IGSF11: variants seen among roughly 807,000 people sequenced by gnomAD.
IGSF11 encodes the protein immunoglobulin superfamily member 11.
In IGSF11, 22 loss-of-function variants were observed where a neutral mutation model predicts 41.0. The ratio of observed to expected loss-of-function variants is 0.54; its 90% confidence interval spans 0.38 to 0.77. The LOEUF is 0.77. Among genes scored for constraint, IGSF11 ranks in the 30% least tolerant of loss-of-function variants. The pLI, the probability that IGSF11 is intolerant of heterozygous loss-of-function variation, is 0.00. For synonymous variants in IGSF11, 219 were observed against 201.3 expected (o/e 1.09, Z -0.74); for missense variants, 444 against 530.8 (o/e 0.84, Z 1.61).
At chr3:119,036,671 G>A (rs1016483320), upstream of IGSF11, among the ~76,000 whole-genome samples, 1 of 150,000 alleles carries the variant, frequency 6.7e-6, no homozygotes, top group African/African-American at 2.5e-5. Flanking sequence ...CCTACACTTT[G>A]TAAGGCACCA....
chr3:119,106,484 A>C (rs1054063552), upstream of IGSF11, among the ~76,000 whole-genome samples: 16 of 152,248 alleles, frequency 1.1e-4, no homozygotes, highest in South Asian at 3.3e-3. Context: ...GGTTTACTTC[A>C]CCTGACATAA....
chr3:119,107,376 A>G (rs533133802), upstream of IGSF11, among the ~76,000 whole-genome samples: 4 of 152,306 alleles, frequency 2.6e-5, no homozygotes, highest in South Asian at 8.3e-4. Flanking sequence ...TTGGCTGCAT[A>G]AATGTCTTCT....
chr3:118,928,586 C>T lies in IGSF11; in HGVS notation c.347G>A (p.Gly116Asp), dbSNP rs1463128011. ...GTTGTTGACCAGGCACTGGTAGGTG[C>T]CAGTGTCTGATAACTGAGTGTTATT... Reference protein sequence around the residue: ...FINNTQLSDTGTYQCLVNNLP... With the variant: ...FINNTQLSDTDTYQCLVNNLP... The change falls in exon 3 of 7, where the codon GGC (glycine) becomes GAC (aspartate). Residue 116 changes from glycine to aspartate, a missense_variant. Transcript: ENST00000393775. The T allele has an allele frequency of 6.2e-7, 1 of 1,613,956 alleles. No individual in the cohort carries two copies.
intron 1 of IGSF11, among the ~76,000 whole-genome samples, chr3:119,139,674 G>A (rs778286085): frequency 1.3e-4 from 19 of 151,984 alleles, no homozygotes; most frequent in Non-Finnish European, 1.8e-4. Context: ...CCCAGTCTCG[G>A]GTATGTCTTT....
chr3:119,009,518 T>C (rs1937836788), intron 1 of IGSF11, among the ~76,000 whole-genome samples: 1 of 152,198 alleles, frequency 6.6e-6, no homozygotes, highest in African/African-American at 2.4e-5. Flanking sequence ...TCTCTCCTGC[T>C]GCTTTGTGAA....
chr3:118,953,291 C>T (rs1045719002), intron 1 of IGSF11, among the ~76,000 whole-genome samples: 1 of 152,032 alleles, frequency 6.6e-6, no homozygotes, highest in Non-Finnish European at 1.5e-5. Flanking sequence ...TTTATCCACT[C>T]GTTGATTGAT....
intron 1 of IGSF11, among the ~76,000 whole-genome samples, chr3:119,058,602 G>C (rs896476049): frequency 6.6e-6 from 1 of 152,214 alleles, no homozygotes; most frequent in Non-Finnish European, 1.5e-5. Flanking sequence ...AATACCATTT[G>C]ACCCAGCCAT....
chr3:119,117,058 C>A (rs1017071046), intron 1 of IGSF11, among the ~76,000 whole-genome samples: 3 of 152,090 alleles, frequency 2.0e-5, no homozygotes, highest in Non-Finnish European at 2.9e-5. Flanking sequence ...GTACAAACTT[C>A]ATCTCGCACA....
chr3:118,905,501 C>T lies in IGSF11; in HGVS notation c.703+95G>A. 8.3e-6 allele frequency: 11 copies of T among 1,329,600 alleles called. No homozygotes were observed. In the South Asian group the frequency reaches 1.3e-4, roughly 16 times the overall value. The allele number at this position is 1,329,600 out of a possible 1,614,324, so 82.4% of individuals were successfully genotyped here. A position where few individuals can be genotyped will look rare whatever the true frequency, so the allele number is the denominator to read the frequency against. On this transcript the variant is annotated intron_variant, in intron 5 of 6. Coordinates refer to ENST00000393775, the MANE Select transcript of IGSF11 (RefSeq NM_001015887.3). The stretch of plus-strand genomic sequence containing the variant: ...AATTTCTATTTAATCTTCAGATAAC[C>T]TTAAGACAATTCAGCAGAACCCTTC...
At chr3:118,980,060 G>GC (rs1350291494) in intron 1 of IGSF11, among the ~76,000 whole-genome samples, 39 of 152,218 alleles carry the variant, frequency 2.6e-4, no homozygotes, top group Admixed American at 2.4e-3. Flanking sequence ...CACACTGTTG[G>GC]TTGTAATGTA....
At chr3:119,034,438 G>T in intron 1 of IGSF11, 93 bp downstream of exon 1, 2 of 1,237,740 alleles carry the variant, frequency 1.6e-6, no homozygotes, top group South Asian at 1.9e-5. Flanking sequence ...CCTCGGCAAA[G>T]CAAGGAGGCT....
chr3:118,918,822 C>T (rs1336441828), intron 4 of IGSF11, among the ~76,000 whole-genome samples: 16 of 140,080 alleles, frequency 1.1e-4, no homozygotes, highest in Admixed American at 1.1e-3. Flanking sequence ...GCCAAAAGAA[C>T]AAAGCTGGAG....
chr3:119,084,545 C>T (rs991894813), intron 1 of IGSF11, among the ~76,000 whole-genome samples: 1 of 152,154 alleles, frequency 6.6e-6, no homozygotes, highest in Non-Finnish European at 1.5e-5. Flanking sequence ...ACCCCCACTG[C>T]AGGCTGCCCA....
At chr3:119,141,136 T>C (rs957884686) in intron 1 of IGSF11, among the ~76,000 whole-genome samples, 1 of 147,384 alleles carries the variant, frequency 6.8e-6, no homozygotes, top group African/African-American at 2.5e-5. Context: ...ATCAGAAATA[T>C]GTGGAAATTA....
At chr3:119,129,688 C>CA (rs1399695424) in intron 1 of IGSF11, among the ~76,000 whole-genome samples, 6 of 152,116 alleles carry the variant, frequency 3.9e-5, no homozygotes, top group South Asian at 2.1e-4. Context: ...AATGGATACA[C>CA]AAAAAATAAA....
chr3:119,064,511 CT>C (rs779910295), intron 1 of IGSF11, among the ~76,000 whole-genome samples: 3,789 of 101,354 alleles, frequency 0.037, 93 homozygotes, highest in African/African-American at 0.12. Flanking sequence ...CTTGGCTGCT[CT>C]TTTTTTTTTT....
intron 1 of IGSF11, among the ~76,000 whole-genome samples, chr3:118,987,168 T>C (rs377589065): frequency 3.2e-4 from 48 of 152,328 alleles, no homozygotes; most frequent in African/African-American, 1.1e-3. Flanking sequence ...ATTTTGGTAT[T>C]TGAAAGATAC....
At position 118,902,810 on chromosome 3, in the gene IGSF11, T is replaced by C. The variant is rs779252621; in HGVS notation, c.1006A>G (p.Ser336Gly). 2 of 1,614,096 alleles carry C rather than the reference T, an allele frequency of 1.2e-6. No individual in the cohort carries two copies. Among genetic ancestry groups the C allele is most frequent in the Admixed American group, 1.7e-5 (1 of 60,004 alleles). ...GATTGGCCCAAGTCACTGAAGTGGC[T>C]GACTGACTCTGTGTTTCTATGAACT... ...PKVHRNTESV[S>G]HFSDLGQSFS... Residue 336 changes from serine to glycine, a missense_variant, in exon 7 of 7, where the codon AGC (serine) becomes GGC (glycine). This residue lies in a region of IGSF11 where 223 missense variants were observed against 226.2 expected (regional missense o/e 0.99). Coordinates refer to ENST00000393775, the MANE Select transcript of IGSF11 (RefSeq NM_001015887.3).
At chr3:118,917,428 A>G (rs981247310) in intron 4 of IGSF11, among the ~76,000 whole-genome samples, 7 of 148,466 alleles carry the variant, frequency 4.7e-5, no homozygotes, top group African/African-American at 1.5e-4. Flanking sequence ...AAGGGGTATC[A>G]CCACCGATCC....
Sources: allele counts gnomAD v4.1 joint callset (sites outside exome capture counted in the v4.1 genomes callset), GRCh38; gene constraint gnomAD v4.1.1; regional missense constraint gnomAD v4.1.1; transcripts MANE v1.5; gene names NCBI Gene and HGNC (gene_info 2026-07-23, HGNC 2026-07-21).